Variants in PLCG2 observed in about 807,000 individuals in gnomAD.
PLCG2 encodes the protein 1-phosphatidylinositol 4,5-bisphosphate phosphodiesterase gamma-2.
PLCG2 carries 69 observed loss-of-function variants against 175.6 expected under a neutral mutation model. The ratio of observed to expected loss-of-function variants is 0.39; its 90% CI spans 0.32 to 0.48. The LOEUF (loss-of-function observed/expected upper bound fraction) is 0.48. Ranked by LOEUF, PLCG2 falls within the 20% of genes least tolerant of loss-of-function variation. The pLI is 0.91. For synonymous variants in PLCG2, 827 were observed against 624.0 expected, an observed-to-expected ratio of 1.33 and a Z score of -4.85; for missense variants, 1,798 against 1,650.9, an observed-to-expected ratio of 1.09 and a Z score of -1.54.
chr16:81,809,387 C>G (rs1335411023), intron 2 of PLCG2, among the ~76,000 whole-genome samples: 1 of 152,170 alleles, frequency 6.6e-6, no homozygotes, highest in African/African-American at 2.4e-5. Context: ...CTGGCTTGTT[C>G]TGCACTGACT....
intron 5 of PLCG2, among the ~76,000 whole-genome samples, chr16:81,864,370 A>G (rs1465006073): frequency 6.6e-6 from 1 of 152,232 alleles, no homozygotes; most frequent in Admixed American, 6.5e-5. Flanking sequence ...TTAGCTCCTC[A>G]GTGGAACTAG....
intron 2 of PLCG2, among the ~76,000 whole-genome samples, chr16:81,838,713 C>T (rs1905654924): frequency 6.6e-6 from 1 of 151,500 alleles, no homozygotes; most frequent in South Asian, 2.1e-4. Flanking sequence ...CACCATGGCA[C>T]AGGTATGCCT....
intron 2 of PLCG2, among the ~76,000 whole-genome samples, chr16:81,756,296 T>C (rs1027512719): frequency 6.6e-6 from 1 of 152,252 alleles, no homozygotes; most frequent in East Asian, 1.9e-4. Flanking sequence ...AGTATGCTGC[T>C]ATGCCGGGCT....
intron 2 of PLCG2, among the ~76,000 whole-genome samples, chr16:81,771,519 G>A (rs1391442113): frequency 6.6e-6 from 1 of 152,174 alleles, no homozygotes; most frequent in East Asian, 1.9e-4. Context: ...GCAGCTCCAT[G>A]AGGCAGAGGA....
chr16:81,935,149 A>G (rs910881533), intron 26 of PLCG2, among the ~76,000 whole-genome samples: 1 of 152,204 alleles, frequency 6.6e-6, no homozygotes, highest in Non-Finnish European at 1.5e-5. Flanking sequence ...AATCAGTATC[A>G]TGAGGTCAAC....
At chr16:81,909,903 C>T (rs893608394) in intron 17 of PLCG2, among the ~76,000 whole-genome samples, 13 of 149,216 alleles carry the variant, frequency 8.7e-5, no homozygotes, top group South Asian at 2.1e-4. Flanking sequence ...TCAGACAGCA[C>T]GGGTGACCTG....
At chr16:81,935,648 G>C (rs1258888638) in intron 26 of PLCG2, 3 of 985,180 alleles carry the variant, frequency 3.0e-6, no homozygotes, top group Non-Finnish European at 3.6e-6. Flanking sequence ...TGACTGCCGG[G>C]CTATCCCACC....
intron 2 of PLCG2, among the ~76,000 whole-genome samples, chr16:81,791,769 T>C (rs2143201754): frequency 6.6e-6 from 1 of 152,270 alleles, no homozygotes; most frequent in Admixed American, 6.5e-5. Flanking sequence ...TTCACCATGT[T>C]GGCCAGGCTG....
intron 30 of PLCG2, among the ~76,000 whole-genome samples, chr16:81,945,334 G>T (rs185948553): frequency 6.6e-6 from 1 of 152,198 alleles, no homozygotes; most frequent in African/African-American, 2.4e-5. Context: ...GACAAACTAG[G>T]ACCACAGAAA....
intron 2 of PLCG2, among the ~76,000 whole-genome samples, chr16:81,835,572 C>A (rs190106939): frequency 2.0e-5 from 3 of 148,844 alleles, no homozygotes; most frequent in African/African-American, 7.3e-5. Flanking sequence ...GAGCAAGACT[C>A]GGTCTCAAAT....
At chr16:81,871,697 C>G (rs1907524456) in intron 7 of PLCG2, among the ~76,000 whole-genome samples, 1 of 152,090 alleles carries the variant, frequency 6.6e-6, no homozygotes, top group South Asian at 2.1e-4. Context: ...AAATAATAGA[C>G]TATTTAAAAA....
chr16:81,932,342 C>G (rs1013455073), intron 25 of PLCG2, among the ~76,000 whole-genome samples: 1 of 152,212 alleles, frequency 6.6e-6, no homozygotes, highest in Non-Finnish European at 1.5e-5. Flanking sequence ...TCCTAACTCA[C>G]AAGTACTTAA....
chr16:81,820,616 C>T (rs534741263), intron 2 of PLCG2, among the ~76,000 whole-genome samples: 12 of 72,970 alleles, frequency 1.6e-4, no homozygotes, highest in Admixed American at 9.5e-4. Flanking sequence ...AATGGGGAAA[C>T]ATTACCCAAT....
intron 2 of PLCG2, among the ~76,000 whole-genome samples, chr16:81,839,809 G>A (rs4569271): frequency 1.3e-5 from 2 of 152,182 alleles, no homozygotes; most frequent in Non-Finnish European, 2.9e-5. Context: ...CCAACACTTG[G>A]GGAAACCAAA....
chr16:81,891,667 C>A, intron 11 of PLCG2, 77 bp downstream of exon 11: 3 of 811,806 alleles, frequency 3.7e-6, no homozygotes, highest in African/African-American at 1.7e-5. Context: ...CGATACGCCG[C>A]TCCGGTGAGC....
At chr16:81,794,460 C>G (rs182945645) in intron 2 of PLCG2, among the ~76,000 whole-genome samples, 3 of 152,258 alleles carry the variant, frequency 2.0e-5, no homozygotes, top group Admixed American at 1.3e-4. Context: ...TAAGACGCAA[C>G]CAATGCCTGA....
chr16:81,778,486 C>G (rs1407659524), upstream of PLCG2, among the ~76,000 whole-genome samples: 1 of 152,204 alleles, frequency 6.6e-6, no homozygotes, highest in Non-Finnish European at 1.5e-5. Context: ...CATCAAAGAG[C>G]ATAGGAAGGG....
chr16:81,791,163 C>G (rs1288568856), intron 2 of PLCG2, among the ~76,000 whole-genome samples: 1 of 152,144 alleles, frequency 6.6e-6, no homozygotes, highest in Non-Finnish European at 1.5e-5. Flanking sequence ...GAGACAGACT[C>G]AAACTTGCCC....
rs1143685 is a variant in PLCG2 at position 81,786,163 on chromosome 16, T to C, written c.174T>C (p.Ala58=). ...GGCAGGTGGCCTGGAGCAAGACCGC[T>C]GACAAGATCGAGGGCTTCTGTGAGT... ...ETRQVAWSKT[A]DKIEGFLDIM... is the part of the protein sequence containing the mutation. The change falls in exon 2 of 33, where the codon GCT becomes GCC. Residue 58 remains alanine, a synonymous_variant. Coordinates refer to ENST00000564138, the MANE Select transcript of PLCG2 (RefSeq NM_002661.5). 1,125,718 of 1,613,708 alleles carry C rather than the reference T, an allele frequency of 0.7. 394,472 individuals carry two copies. The highest frequency in any genetic ancestry group is 0.89 in the East Asian group (39,877 of 44,868).
Sources: allele counts gnomAD v4.1 joint callset (sites outside exome capture counted in the v4.1 genomes callset), GRCh38; gene constraint gnomAD v4.1.1; transcripts MANE v1.5; gene names NCBI Gene and HGNC (gene_info 2026-07-23, HGNC 2026-07-21).